The following LIMCH1 variants were observed in gnomAD, a reference collection of about 807,000 sequenced individuals.
LIMCH1 encodes LIM and calponin homology domains-containing protein 1.
In LIMCH1, 113 loss-of-function variants were observed where a neutral mutation model predicts 176.5. That is an observed-to-expected ratio of 0.64 (90% CI 0.55 to 0.75). The LOEUF (loss-of-function observed/expected upper bound fraction) is 0.75. Ranked by LOEUF, LIMCH1 falls within the 30% of genes least tolerant of loss-of-function variation. LIMCH1 has a pLI of 0.00. For missense variants in LIMCH1, 1,674 were observed against 1,814.9 expected (o/e 0.92, Z 1.41); for synonymous variants, 619 against 645.9 (o/e 0.96, Z 0.63).
intron 2 of LIMCH1, among the ~76,000 whole-genome samples, chr4:41,500,496 A>G (rs2073077467): frequency 6.6e-6 from 1 of 152,252 alleles, no homozygotes; most frequent in South Asian, 2.1e-4. Flanking sequence ...CTGTTTTACA[A>G]ATACAACCAG....
intron 1 of LIMCH1, among the ~76,000 whole-genome samples, chr4:41,412,879 A>G (rs542003166): frequency 2.0e-4 from 30 of 152,188 alleles, no homozygotes; most frequent in Non-Finnish European, 3.8e-4. Flanking sequence ...GATATCACTG[A>G]CTTTGCACTA....
chr4:41,618,298 A>G (rs1489363253), intron 5 of LIMCH1, among the ~76,000 whole-genome samples: 2 of 152,168 alleles, frequency 1.3e-5, no homozygotes, highest in Non-Finnish European at 2.9e-5. Context: ...ATAAGATGAG[A>G]CTCAGGAAAC....
chr4:41,624,885 G>A (rs28431382), intron 7 of LIMCH1, among the ~76,000 whole-genome samples: 7,157 of 152,134 alleles, frequency 0.047, 429 homozygotes, highest in African/African-American at 0.14. Flanking sequence ...CTCCTACCAA[G>A]AAAGCTAGCC....
chr4:41,654,613 G>A (rs6811377), intron 18 of LIMCH1, among the ~76,000 whole-genome samples: 71,183 of 151,930 alleles, frequency 0.47, 18,035 homozygotes, highest in African/African-American at 0.66. Flanking sequence ...CATAGGCTGA[G>A]TTTAGTCTGG....
At position 41,619,235 on chromosome 4, in the gene LIMCH1, G is replaced by A. The variant is rs1287276408; in HGVS notation, c.253G>A (p.Asp85Asn). 3.7e-6 allele frequency: 6 copies of A among 1,614,192 alleles called. No homozygotes were observed. The highest frequency in any genetic ancestry group is 1.1e-5 in the South Asian group (1 of 91,086). Residue 85 changes from aspartate to asparagine, a missense_variant, in exon 6 of 32, where the codon GAT (aspartate) becomes AAT (asparagine). By Grantham distance (23) the Asp-to-Asn change is conservative (BLOSUM62 1). Transcript: ENST00000503057. ...CGACTTGCCTCATCGGAAGCTGCCA[G>A]ATGTGAAGAAGGATGACATGTCTGC... ...ESDLPHRKLP[D>N]VKKDDMSARR...
chr4:41,486,816 C>T (rs1341687857), intron 1 of LIMCH1, among the ~76,000 whole-genome samples: 1 of 151,836 alleles, frequency 6.6e-6, no homozygotes. Context: ...GAGTTTTGCT[C>T]TGTTGCCCAG....
At chr4:41,624,126 CTTGGTGTTTCCCA>C (rs965860579) in intron 7 of LIMCH1, among the ~76,000 whole-genome samples, 1 of 152,138 alleles carries the variant, frequency 6.6e-6, no homozygotes, top group African/African-American at 2.4e-5. Context: ...AGTTCTTTTA[CTTGGTGTTTCCCA>C]TTGGAGAAGT....
At chr4:41,651,724 C>G (rs2094305605) in intron 18 of LIMCH1, among the ~76,000 whole-genome samples, 2 of 152,012 alleles carry the variant, frequency 1.3e-5, no homozygotes, top group East Asian at 3.9e-4. Context: ...GTTAAAGAAA[C>G]AAAAATTCAT....
intron 1 of LIMCH1, among the ~76,000 whole-genome samples, chr4:41,431,078 C>T (rs985294152): frequency 4.6e-5 from 7 of 152,226 alleles, no homozygotes; most frequent in African/African-American, 1.7e-4. Flanking sequence ...TTTCTCCATC[C>T]TCCTCAGATG....
Position 41,505,925 on chromosome 4 carries a change from GACACAC to G in LIMCH1, c.167+11358_167+11363del, listed in dbSNP as rs36212568. Among the ~76,000 whole-genome samples, 677 of 134,654 alleles carry G rather than the reference GACACAC, an allele frequency of 5.0e-3. 6 individuals are homozygous for G. Among genetic ancestry groups the G allele is most frequent in the Middle Eastern group, 0.041 (11 of 268 alleles). 88.3% of individuals were successfully genotyped at this position (134,654 alleles called of 152,430 possible). A position where few individuals can be genotyped will look rare whatever the true frequency, so the allele number is the denominator to read the frequency against. Reference sequence around the variant, plus strand: ...TATTATTCTCTCTCTCTGTGTTTCTGACACACACACACACACACACACACACACACA... The same window carrying G: ...TATTATTCTCTCTCTCTGTGTTTCTGACACACACACACACACACACACACA... On this transcript the variant is annotated intron_variant, in intron 2 of 26. Transcript: ENST00000313860.
chr4:41,525,106 T>C (rs1392409531), intron 3 of LIMCH1, among the ~76,000 whole-genome samples: 2 of 152,270 alleles, frequency 1.3e-5, no homozygotes, highest in Admixed American at 6.5e-5. Flanking sequence ...ATATGTCTTA[T>C]AATTCTTGGC....
chr4:41,467,097 C>T (rs1274354615), intron 1 of LIMCH1, among the ~76,000 whole-genome samples: 1 of 151,396 alleles, frequency 6.6e-6, no homozygotes, highest in African/African-American at 2.4e-5. Flanking sequence ...TAGTGTGGAT[C>T]AGAATTGCCT....
At chr4:41,514,005 T>TAA (rs71198665) in intron 2 of LIMCH1, among the ~76,000 whole-genome samples, 1,063 of 48,386 alleles carry the variant, frequency 0.022, 59 homozygotes, top group East Asian at 0.043. Context: ...GACTCCGTCT[T>TAA]AAAAAAAAAA....
chr4:41,587,110 A>T (rs1270211662), intron 1 of LIMCH1, among the ~76,000 whole-genome samples: 1 of 152,180 alleles, frequency 6.6e-6, no homozygotes. Context: ...ATAGTTCCAA[A>T]AGAATAAAGC....
At chr4:41,468,401 C>T (rs2154157506) in intron 1 of LIMCH1, among the ~76,000 whole-genome samples, 1 of 135,536 alleles carries the variant, frequency 7.4e-6, no homozygotes, top group East Asian at 2.3e-4. Flanking sequence ...TCCCTTCCTC[C>T]CTTCCTTCCT....
intron 1 of LIMCH1, among the ~76,000 whole-genome samples, chr4:41,448,199 G>T (rs2063478967): frequency 6.6e-6 from 1 of 152,196 alleles, no homozygotes; most frequent in Admixed American, 6.5e-5. Flanking sequence ...CTACACAGAG[G>T]TGTCTGCAGT....
chr4:41,562,088 G>A (rs1053500578), intron 1 of LIMCH1, among the ~76,000 whole-genome samples: 6 of 152,116 alleles, frequency 3.9e-5, no homozygotes, highest in African/African-American at 1.4e-4. Context: ...AGTAGCCAAG[G>A]TACCCTTTTT....
Position 41,626,711 on chromosome 4 carries a change from A to G in LIMCH1, c.729A>G (p.Gln243=), listed in dbSNP as rs2092975069. ...CCATTTAATTTTCCCCTATCAGTCA[A>G]AAACAATTAAGTGAAGAGAAAGAAG... ...VMPAAQRFAS[Q]KQLSEEKEAI... The change falls in exon 8 of 32, where the codon CAA becomes CAG. Residue 243 remains glutamine (Q), a synonymous_variant. Coordinates refer to ENST00000503057, the MANE Select transcript of LIMCH1 (RefSeq NM_001330672.2). 1 of 1,535,080 alleles carries G rather than the reference A, an allele frequency of 6.5e-7. No individual in the cohort carries two copies. The highest frequency in any genetic ancestry group is 8.7e-7 in the Non-Finnish European group (1 of 1,145,948).
intron 1 of LIMCH1, among the ~76,000 whole-genome samples, chr4:41,440,497 T>C (rs2062582411): frequency 6.6e-6 from 1 of 152,138 alleles, no homozygotes; most frequent in African/African-American, 2.4e-5. Flanking sequence ...AATTTTATGT[T>C]CTATAAAATA....
Sources: allele counts gnomAD v4.1 joint callset (sites outside exome capture counted in the v4.1 genomes callset), GRCh38; gene constraint gnomAD v4.1.1; transcripts MANE v1.5; gene names NCBI Gene and HGNC (gene_info 2026-07-23, HGNC 2026-07-21).